The following RERE variants were observed in gnomAD, a reference collection of about 807,000 sequenced individuals.
The protein encoded by RERE is arginine-glutamic acid dipeptide repeats protein.
RERE carries 40 observed loss-of-function variants against 146.1 expected under a neutral mutation model. The observed-to-expected ratio is 0.27, with a 90% CI of 0.21 to 0.36. The LOEUF is 0.36. Ranked by LOEUF, RERE falls within the 10% of genes least tolerant of loss-of-function variation. The probability of loss-of-function intolerance (pLI) is 1.00; values close to 1 mark genes in which losing one functional copy is unlikely to be tolerated. For missense variants in RERE, 1,933 were observed against 2,138.7 expected, an observed-to-expected ratio of 0.90 and a Z score of 1.90; for synonymous variants, 1,003 against 866.0, an observed-to-expected ratio of 1.16 and a Z score of -2.78.
At chr1:8,632,168 C>A (rs1250388744) in intron 2 of RERE, among the ~76,000 whole-genome samples, 1 of 152,182 alleles carries the variant, frequency 6.6e-6, no homozygotes, top group Non-Finnish European at 1.5e-5. Flanking sequence ...TGCAAAGAGT[C>A]CAAACACTTC....
intron 1 of RERE, among the ~76,000 whole-genome samples, chr1:8,768,616 T>C (rs1557531012): frequency 6.6e-6 from 1 of 152,324 alleles, no homozygotes; most frequent in East Asian, 1.9e-4. Flanking sequence ...GGGTAGTGCC[T>C]ACCATAAAGA....
At chr1:8,649,573 C>T (rs1243248307) in intron 2 of RERE, among the ~76,000 whole-genome samples, 2 of 151,590 alleles carry the variant, frequency 1.3e-5, no homozygotes, top group Non-Finnish European at 2.9e-5. Context: ...CTACTAAAAA[C>T]ACAAAAATTA....
At chr1:8,723,429 A>G (rs1038479934) in intron 1 of RERE, among the ~76,000 whole-genome samples, 5 of 152,206 alleles carry the variant, frequency 3.3e-5, no homozygotes, top group Non-Finnish European at 7.3e-5. Flanking sequence ...AACAAACTCT[A>G]AAACAAAGAG....
intron 4 of RERE, among the ~76,000 whole-genome samples, chr1:8,563,248 T>A: frequency 6.6e-6 from 1 of 152,212 alleles, no homozygotes; most frequent in African/African-American, 2.4e-5. Context: ...ACAGTCTTAA[T>A]ATCAGCCTCA....
intron 12 of RERE, among the ~76,000 whole-genome samples, chr1:8,371,626 C>A (rs963479190): frequency 6.6e-6 from 1 of 152,224 alleles, no homozygotes; most frequent in East Asian, 1.9e-4. Flanking sequence ...CCTCAGCCAC[C>A]ACTTTATTTC....
chr1:8,422,936 C>A, intron 11 of RERE, 129 bp from the exon 12 acceptor site: 1 of 686,386 alleles, frequency 1.5e-6, no homozygotes, highest in Non-Finnish European at 2.6e-6. Context: ...ACTGCCGAGG[C>A]TCGGAGAGTA....
chr1:8,385,923 C>T (rs1194216089), intron 12 of RERE, among the ~76,000 whole-genome samples: 31 of 127,950 alleles, frequency 2.4e-4, no homozygotes, highest in African/African-American at 9.3e-4. Flanking sequence ...GAGTGGAGAT[C>T]GCACCACTGC....
chr1:8,661,689 AG>A (rs2124348831), intron 1 of RERE, among the ~76,000 whole-genome samples: 1 of 152,320 alleles, frequency 6.6e-6, no homozygotes, highest in East Asian at 1.9e-4. Context: ...AAAAAGAAAA[AG>A]GACATCTGGC....
chr1:8,486,755 T>TAAAAAAAAAAAAAAAAAAAAA (rs33956517), intron 10 of RERE, among the ~76,000 whole-genome samples: 1 of 122,348 alleles, frequency 8.2e-6, no homozygotes, highest in Non-Finnish European at 1.7e-5. Flanking sequence ...GAGTCCATCT[T>TAAAAAAAAAAAAAAAAAAAAA]AAAAAAAAAA....
At chr1:8,412,687 G>A (rs889455910) in intron 12 of RERE, among the ~76,000 whole-genome samples, 1 of 152,216 alleles carries the variant, frequency 6.6e-6, no homozygotes, top group Admixed American at 6.5e-5. Flanking sequence ...CTAGAACACA[G>A]AACCGCTGCG....
At chr1:8,703,284 G>A (rs1639495296) in intron 1 of RERE, 1 of 149,780 alleles carries the variant, frequency 6.7e-6, no homozygotes, top group South Asian at 2.1e-4. Context: ...GTGGCCGCGC[G>A]GGGCCCCGCC....
intron 10 of RERE, among the ~76,000 whole-genome samples, chr1:8,475,630 C>T (rs928571905): frequency 2.0e-5 from 3 of 150,906 alleles, no homozygotes; most frequent in African/African-American, 4.9e-5. Flanking sequence ...TGCAGTGAGC[C>T]GAGATCACGC....
At chr1:8,529,766 C>A (rs1387037695) in intron 7 of RERE, among the ~76,000 whole-genome samples, 1 of 152,210 alleles carries the variant, frequency 6.6e-6, no homozygotes, top group Non-Finnish European at 1.5e-5. Flanking sequence ...TCCTCCTCCT[C>A]CTCCTGGTCA....
At chr1:8,499,985 T>C (rs967866376) in intron 8 of RERE, among the ~76,000 whole-genome samples, 1 of 152,152 alleles carries the variant, frequency 6.6e-6, no homozygotes, top group Non-Finnish European at 1.5e-5. Flanking sequence ...CCAGGCGTGG[T>C]GGCACACGCC....
intron 10 of RERE, among the ~76,000 whole-genome samples, chr1:8,469,843 T>C (rs1307522811): frequency 6.6e-6 from 1 of 152,096 alleles, no homozygotes; most frequent in Non-Finnish European, 1.5e-5. Flanking sequence ...GAACATCTCG[T>C]TGTGGTTGTT....
At chr1:8,447,645 T>C (rs1325315263) in intron 11 of RERE, among the ~76,000 whole-genome samples, 1 of 152,194 alleles carries the variant, frequency 6.6e-6, no homozygotes, top group East Asian at 1.9e-4. Context: ...ACAGCAAAGG[T>C]TGCTGCCTGA....
chr1:8,589,865 G>A (rs12037534), intron 4 of RERE, among the ~76,000 whole-genome samples: 30,237 of 152,148 alleles, frequency 0.2, 4,570 homozygotes, highest in East Asian at 0.76. Flanking sequence ...ACCACGAATC[G>A]AATTCCTCAA....
At chr1:8,570,010 G>A (rs1309667717) in intron 4 of RERE, among the ~76,000 whole-genome samples, 1 of 152,090 alleles carries the variant, frequency 6.6e-6, no homozygotes, top group Admixed American at 6.5e-5. Flanking sequence ...AAGAACATGG[G>A]TTATAGCTTA....
chr1:8,805,884 A>G (rs1255024399), intron 1 of RERE: 1 of 113,070 alleles, frequency 8.8e-6, no homozygotes, highest in Non-Finnish European at 1.7e-5. Context: ...GGAATTTCAC[A>G]CTTGTTTTCC....
Sources: gnomAD v4.1 joint callset for allele counts (sites outside exome capture counted in the v4.1 genomes callset) on GRCh38, gnomAD v4.1.1 for gene constraint, MANE v1.5 for transcripts, NCBI Gene and HGNC (gene_info 2026-07-23, HGNC 2026-07-21) for gene names.